GRIN2A: variants seen among roughly 807,000 people sequenced by gnomAD.
The protein encoded by GRIN2A is glutamate ionotropic receptor NMDA type subunit 2A, also known as glutamate receptor ionotropic, NMDA 2A.
In GRIN2A, 22 loss-of-function variants were observed where a neutral mutation model predicts 113.4. That is an observed-to-expected ratio of 0.19 (90% confidence interval 0.14 to 0.28). The LOEUF (loss-of-function observed/expected upper bound fraction) is 0.28, where lower values mean the gene tolerates loss of function less well. GRIN2A is among the 10% of genes least tolerant of loss of function. The probability of loss-of-function intolerance (pLI) is 1.00; values close to 1 mark genes in which losing one functional copy is unlikely to be tolerated. For missense variants in GRIN2A, 1,502 were observed against 1,887.0 expected, an observed-to-expected ratio of 0.80 and a Z score of 3.78; for synonymous variants, 827 against 738.4, an observed-to-expected ratio of 1.12 and a Z score of -1.94.
At chr16:9,805,932 C>T (rs998690075) in intron 10 of GRIN2A, among the ~76,000 whole-genome samples, 1 of 152,164 alleles carries the variant, frequency 6.6e-6, no homozygotes, top group Non-Finnish European at 1.5e-5. Flanking sequence ...CTGCCATCAG[C>T]ACAGAATGGT....
In GRIN2A at chr16:10,132,091, G is replaced by A. The variant is rs138471351; in HGVS notation, c.414+47907C>T. The stretch of plus-strand genomic sequence containing the variant: ...TCGCGCCTGTAATCCCAGCACTTTG[G>A]GAGACTCAGGCAGGCAGATCACTTG... On this transcript the variant is annotated intron_variant, in intron 2 of 12. Transcript: ENST00000330684. 2.6e-3 allele frequency among the ~76,000 whole-genome samples: 396 copies of A among 152,118 alleles called. 1 individual carries two copies. Among genetic ancestry groups the A allele is most frequent in the African/African-American group, 9.2e-3 (383 of 41,490 alleles).
chr16:9,987,665 G>A (rs1423699830), intron 2 of GRIN2A, among the ~76,000 whole-genome samples: 4 of 152,152 alleles, frequency 2.6e-5, no homozygotes, highest in Non-Finnish European at 5.9e-5. Context: ...TTAAATAAAA[G>A]CAAAGAAAGA....
intron 2 of GRIN2A, among the ~76,000 whole-genome samples, chr16:10,019,632 C>T: frequency 6.6e-6 from 1 of 152,336 alleles, no homozygotes; most frequent in Middle Eastern, 3.4e-3. Flanking sequence ...GCCGGGTACC[C>T]CCAATGCCTC....
chr16:9,937,724 A>G, intron 3 of GRIN2A: 1 of 551,974 alleles, frequency 1.8e-6, no homozygotes, highest in Non-Finnish European at 3.3e-6. Context: ...TAGGTTTCCA[A>G]GATATATTGT....
intron 2 of GRIN2A, among the ~76,000 whole-genome samples, chr16:10,096,332 C>G (rs73512721): frequency 0.2 from 30,082 of 151,866 alleles, 3,533 homozygotes; most frequent in African/African-American, 0.33. Context: ...CAGCACCTAA[C>G]CACCCGGAGA....
chr16:10,125,228 C>T (rs1445612788), intron 2 of GRIN2A, among the ~76,000 whole-genome samples: 1 of 152,196 alleles, frequency 6.6e-6, no homozygotes, highest in Non-Finnish European at 1.5e-5. Flanking sequence ...TTGACGCCTT[C>T]TACTTCTTAC....
intron 3 of GRIN2A, among the ~76,000 whole-genome samples, chr16:9,909,881 A>T (rs1403828319): frequency 1.3e-5 from 2 of 152,236 alleles, no homozygotes; most frequent in Non-Finnish European, 2.9e-5. Context: ...GTAGGTAAAA[A>T]GTACTATGTT....
chr16:10,099,208 A>G (rs559814710), intron 2 of GRIN2A, among the ~76,000 whole-genome samples: 1 of 152,344 alleles, frequency 6.6e-6, no homozygotes, highest in South Asian at 2.1e-4. Flanking sequence ...AACCATTATG[A>G]AAATCAACTC....
At chr16:9,788,548 A>G (rs535037643) in intron 11 of GRIN2A, among the ~76,000 whole-genome samples, 4 of 151,932 alleles carry the variant, frequency 2.6e-5, no homozygotes, top group African/African-American at 7.2e-5. Context: ...ATGAGCCATC[A>G]TGCCTGGCCT....
chr16:10,019,349 T>C (rs1272390721), intron 2 of GRIN2A, among the ~76,000 whole-genome samples: 2 of 152,230 alleles, frequency 1.3e-5, no homozygotes, highest in Non-Finnish European at 2.9e-5. Flanking sequence ...AAATTAGAAT[T>C]AGATTATGCA....
At chr16:9,842,037 G>C (rs2042689370) in intron 5 of GRIN2A, among the ~76,000 whole-genome samples, 1 of 152,114 alleles carries the variant, frequency 6.6e-6, no homozygotes, top group South Asian at 2.1e-4. Flanking sequence ...GAACACCTGA[G>C]GTCAGGAGTT....
intron 10 of GRIN2A, among the ~76,000 whole-genome samples, chr16:9,811,554 T>A (rs1348433460): frequency 6.6e-6 from 1 of 150,948 alleles, no homozygotes; most frequent in Non-Finnish European, 1.5e-5. Flanking sequence ...AGGTCAGGAG[T>A]TTGAGACCAG....
chr16:9,778,763 T>C (rs1230047859), intron 11 of GRIN2A, among the ~76,000 whole-genome samples: 1 of 152,206 alleles, frequency 6.6e-6, no homozygotes. Flanking sequence ...GAGGAACTTA[T>C]TTATAACTGC....
chr16:10,095,195 C>A (rs2048264119), intron 2 of GRIN2A, among the ~76,000 whole-genome samples: 2 of 152,134 alleles, frequency 1.3e-5, no homozygotes, highest in African/African-American at 2.4e-5. Context: ...TCAAACCCAA[C>A]CACGCCAGCT....
chr16:10,076,598 C>G lies in GRIN2A; in HGVS notation c.414+103400G>C, dbSNP rs145043711. On this transcript the variant is annotated intron_variant, in intron 2 of 12. Transcript: ENST00000330684. The stretch of plus-strand genomic sequence containing the variant: ...AAACTGTATTCTTGTCACAGACAAT[C>G]CAGAGCACTCTCTGGGGTGTGGCTC... Among the ~76,000 whole-genome samples, 304 of 152,256 alleles carry G rather than the reference C, an allele frequency of 2.0e-3. 1 individual carries two copies. The highest frequency in any genetic ancestry group is 7.0e-3 in the African/African-American group (292 of 41,542).
chr16:10,002,774 A>T (rs2046342678), intron 2 of GRIN2A, among the ~76,000 whole-genome samples: 1 of 152,124 alleles, frequency 6.6e-6, no homozygotes, highest in South Asian at 2.1e-4. Flanking sequence ...AGAATTCAGG[A>T]TTTTGTGTTA....
intron 11 of GRIN2A, among the ~76,000 whole-genome samples, chr16:9,781,263 A>G (rs1901919083): frequency 6.6e-6 from 1 of 152,236 alleles, no homozygotes; most frequent in Non-Finnish European, 1.5e-5. Context: ...AGCATGTTGC[A>G]CCTTCTAAAA....
At chr16:10,023,977 T>C (rs1488252516) in intron 2 of GRIN2A, among the ~76,000 whole-genome samples, 1 of 152,192 alleles carries the variant, frequency 6.6e-6, no homozygotes, top group African/African-American at 2.4e-5. Flanking sequence ...GTGCCTCTTG[T>C]TCAGAAGAAC....
chr16:10,000,897 C>T (rs555036995), intron 2 of GRIN2A, among the ~76,000 whole-genome samples: 20 of 152,156 alleles, frequency 1.3e-4, no homozygotes, highest in Non-Finnish European at 2.9e-4. Flanking sequence ...GGGCAGATTT[C>T]ACAAATGAAC....
Sources: gnomAD v4.1 joint callset for allele counts (sites outside exome capture counted in the v4.1 genomes callset) on GRCh38, gnomAD v4.1.1 for gene constraint, MANE v1.5 for transcripts, NCBI Gene and HGNC (gene_info 2026-07-23, HGNC 2026-07-21) for gene names.